CARMIL1: variants seen among roughly 807,000 people sequenced by gnomAD.
CARMIL1 encodes F-actin-uncapping protein LRRC16A.
A neutral mutation model predicts 177.1 loss-of-function variants in CARMIL1; 90 were observed. The observed-to-expected ratio is 0.51, with a 90% CI of 0.43 to 0.61. The LOEUF is 0.61. Among genes scored for constraint, CARMIL1 ranks in the 20% least tolerant of loss-of-function variants. The pLI is 0.00. For missense variants in CARMIL1, 1,380 were observed against 1,667.0 expected (o/e 0.83, Z 3.00); for synonymous variants, 577 against 606.2 (o/e 0.95, Z 0.71).
At chr6:25,420,258 ATTCC>A in intron 3 of CARMIL1, 94 bp downstream of exon 3, 2 of 1,094,730 alleles carry the variant, frequency 1.8e-6, no homozygotes, top group East Asian at 4.7e-5. Context: ...GTGCACACAT[ATTCC>A]TTCATATACT....
chr6:25,426,583 T>A (rs1337854414), intron 4 of CARMIL1, 23 bp downstream of exon 4: 3 of 1,596,064 alleles, frequency 1.9e-6, no homozygotes, highest in Non-Finnish European at 2.6e-6. Context: ...AATGGATCAC[T>A]GCAAGATCAT....
rs547365017 is a variant in CARMIL1 at position 25,304,490 on chromosome 6, A to G, written c.138+19581A>G. Among the ~76,000 whole-genome samples the G allele has an allele frequency of 1.5e-3, 226 of 152,318 alleles. 1 individual carries two copies. The highest frequency in any genetic ancestry group is 0.013 in the South Asian group (64 of 4,826). The stretch of plus-strand genomic sequence containing the variant: ...GTTCCACCTCAGATCATCAGGCATT[A>G]GATTCTCATAAGGAGTGTGCAGCCT... On this transcript the variant is annotated intron_variant, in intron 2 of 36. Coordinates refer to ENST00000329474, the MANE Select transcript of CARMIL1 (RefSeq NM_017640.6).
intron 27 of CARMIL1, 79 bp downstream of exon 27, chr6:25,551,164 T>C: frequency 1.8e-6 from 2 of 1,119,898 alleles, no homozygotes; most frequent in South Asian, 2.9e-5. Flanking sequence ...AGGGTTATTG[T>C]TGGCTGTATC....
At chr6:25,463,954 C>T (rs1800359300) in intron 8 of CARMIL1, among the ~76,000 whole-genome samples, 1 of 150,124 alleles carries the variant, frequency 6.7e-6, no homozygotes, top group Non-Finnish European at 1.5e-5. Context: ...TCCCGAGTAG[C>T]TGGGACTACA....
chr6:25,372,146 G>A lies in CARMIL1; in HGVS notation c.139-47968G>A, dbSNP rs543655340. On this transcript the variant is annotated intron_variant, in intron 2 of 36. Transcript: ENST00000329474. The stretch of plus-strand genomic sequence containing the variant: ...TTTATACCTATACCGTGCTGTTTTG[G>A]TAACTATAACCTTGTAGTATAATTT... Among the ~76,000 whole-genome samples, 222 of 152,224 alleles carry A rather than the reference G, an allele frequency of 1.5e-3. 1 individual carries two copies. The highest frequency in any genetic ancestry group is 5.1e-3 in the African/African-American group (212 of 41,530).
At chr6:25,596,894 GAC>G (rs1167341598) in intron 32 of CARMIL1, among the ~76,000 whole-genome samples, 1 of 151,164 alleles carries the variant, frequency 6.6e-6, no homozygotes, top group Non-Finnish European at 1.5e-5. Context: ...CATGTACTTA[GAC>G]ACACACTTTT....
At chr6:25,293,985 G>A (rs888920623) in intron 2 of CARMIL1, among the ~76,000 whole-genome samples, 4 of 152,224 alleles carry the variant, frequency 2.6e-5, no homozygotes, top group Non-Finnish European at 5.9e-5. Context: ...GCCTCCCAAA[G>A]TGCTGGAATT....
intron 1 of CARMIL1, among the ~76,000 whole-genome samples, chr6:25,284,448 G>A (rs1345365030): frequency 1.3e-5 from 2 of 152,236 alleles, no homozygotes; most frequent in Non-Finnish European, 2.9e-5. Flanking sequence ...GGTGGCTCAT[G>A]CCTGTAATCC....
intron 4 of CARMIL1, among the ~76,000 whole-genome samples, chr6:25,429,743 CT>C (rs1261345822): frequency 6.6e-6 from 1 of 151,482 alleles, no homozygotes; most frequent in East Asian, 1.9e-4. Flanking sequence ...GGTTTTCTTT[CT>C]TTTTTTAAGC....
intron 36 of CARMIL1, 57 bp from the exon 37 acceptor site, chr6:25,619,390 G>A: frequency 6.5e-7 from 1 of 1,544,474 alleles, no homozygotes; most frequent in Non-Finnish European, 8.7e-7. Context: ...CCCATTATCA[G>A]TCAGGCCACT....
chr6:25,410,466 T>C (rs1794807627), intron 2 of CARMIL1, among the ~76,000 whole-genome samples: 1 of 152,232 alleles, frequency 6.6e-6, no homozygotes, highest in Admixed American at 6.5e-5. Flanking sequence ...CTGAGTTACC[T>C]GCCCAAGATT....
chr6:25,435,605 G>C lies in CARMIL1; in HGVS notation c.371+1G>C. On this transcript the variant is annotated splice_donor_variant, in intron 5 of 36. Coordinates refer to ENST00000329474, the MANE Select transcript of CARMIL1 (RefSeq NM_017640.6). LOFTEE classifies it high-confidence loss of function. Reference sequence around the variant, plus strand: ...AGATATTTCCTGGCCTCTCTCCAGTGTGAGTTTCCCTGGGCAGGGTGAGGA... The same window carrying C: ...AGATATTTCCTGGCCTCTCTCCAGTCTGAGTTTCCCTGGGCAGGGTGAGGA... 1.3e-6 allele frequency: 2 copies of C among 1,576,660 alleles called. No homozygotes were observed. The highest frequency in any genetic ancestry group is 1.7e-6 in the Non-Finnish European group (2 of 1,160,194).
At chr6:25,537,243 A>T (rs1808391038) in intron 24 of CARMIL1, among the ~76,000 whole-genome samples, 1 of 152,216 alleles carries the variant, frequency 6.6e-6, no homozygotes, top group South Asian at 2.1e-4. Context: ...ATTACTACCT[A>T]TGTTAATATA....
At chr6:25,584,385 T>G (rs1813447749) in intron 31 of CARMIL1, among the ~76,000 whole-genome samples, 1 of 146,632 alleles carries the variant, frequency 6.8e-6, no homozygotes. Flanking sequence ...GGAAGGAAGC[T>G]GTGGCAGAGT....
chr6:25,501,992 T>TAAAAA (rs34408599), intron 17 of CARMIL1, among the ~76,000 whole-genome samples: 3 of 97,260 alleles, frequency 3.1e-5, no homozygotes, highest in Admixed American at 1.1e-4. Context: ...AGACATATTG[T>TAAAAA]AAAAAAAAAA....
At chr6:25,590,484 A>G (rs1659105705) in intron 31 of CARMIL1, among the ~76,000 whole-genome samples, 1 of 152,144 alleles carries the variant, frequency 6.6e-6, no homozygotes, top group African/African-American at 2.4e-5. Context: ...TCAAAGTTAT[A>G]CTATCTCCAT....
At chr6:25,441,347 GTGTGTGTGTGTGTGTGTGTGTGTGTCTA>G (rs1797758621) in intron 5 of CARMIL1, among the ~76,000 whole-genome samples, 2 of 115,668 alleles carry the variant, frequency 1.7e-5, no homozygotes, top group Admixed American at 1.7e-4. Context: ...ATGTGTGTGT[GTGTGTGTGTGTGTGTGTGTGTGTGTCTA>G]TGTGTGTGTG....
intron 2 of CARMIL1, among the ~76,000 whole-genome samples, chr6:25,337,326 A>G (rs567877500): frequency 6.6e-6 from 1 of 152,342 alleles, no homozygotes; most frequent in African/African-American, 2.4e-5. Flanking sequence ...TGAGGATTGC[A>G]TAAGACCCAT....
At chr6:25,580,284 C>G (rs1813009052) in intron 29 of CARMIL1, among the ~76,000 whole-genome samples, 1 of 152,150 alleles carries the variant, frequency 6.6e-6, no homozygotes, top group Admixed American at 6.6e-5. Context: ...GGCTTTGCAC[C>G]ATAAACAGTT....
Sources: gnomAD v4.1 joint callset for allele counts (sites outside exome capture counted in the v4.1 genomes callset) on GRCh38, gnomAD v4.1.1 for gene constraint, MANE v1.5 for transcripts, NCBI Gene and HGNC (gene_info 2026-07-23, HGNC 2026-07-21) for gene names.